DPP10: variants seen among roughly 807,000 people sequenced by gnomAD.
The protein encoded by DPP10 is dipeptidyl peptidase like 10, also known as inactive dipeptidyl peptidase 10.
Under a neutral mutation model 120.9 loss-of-function variants are expected in DPP10, and 33 were observed. That is an observed-to-expected ratio of 0.27 (90% CI 0.21 to 0.37). DPP10 has a LOEUF of 0.37. Ranked by LOEUF, DPP10 falls within the 10% of genes least tolerant of loss-of-function variation. DPP10 has a pLI of 1.00. For missense variants in DPP10, 816 were observed against 942.8 expected (o/e 0.87, Z 1.76); for synonymous variants, 337 against 326.1 (o/e 1.03, Z -0.36).
chr2:115,391,621 A>C (rs769364415), intron 3 of DPP10, among the ~76,000 whole-genome samples: 2 of 152,070 alleles, frequency 1.3e-5, no homozygotes, highest in Non-Finnish European at 2.9e-5. Flanking sequence ...CATAACATAA[A>C]TATAAAATAA....
intron 5 of DPP10, among the ~76,000 whole-genome samples, chr2:115,648,936 T>C (rs192684111): frequency 3.9e-4 from 59 of 152,148 alleles, no homozygotes; most frequent in African/African-American, 1.3e-3. Flanking sequence ...ACCAACCCAG[T>C]TGGAAAGCAA....
At chr2:115,050,784 A>G (rs1158621527) in intron 1 of DPP10, among the ~76,000 whole-genome samples, 1 of 152,312 alleles carries the variant, frequency 6.6e-6, no homozygotes, top group Non-Finnish European at 1.5e-5. Context: ...CAGGGATGGT[A>G]CACGGCCTCA....
intron 1 of DPP10, among the ~76,000 whole-genome samples, chr2:114,473,151 T>C (rs61533041): frequency 1.3e-5 from 2 of 152,182 alleles, no homozygotes; most frequent in African/African-American, 4.8e-5. Context: ...TCTACTAGAA[T>C]TCACTACATA....
intron 1 of DPP10, among the ~76,000 whole-genome samples, chr2:115,131,474 C>T (rs576800741): frequency 2.0e-5 from 3 of 152,174 alleles, no homozygotes; most frequent in African/African-American, 7.2e-5. Flanking sequence ...GATTGAGCCA[C>T]TGTGCACCTG....
At position 114,462,123 on chromosome 2, in the gene DPP10, A is replaced by AT. The variant is rs1027727317; in HGVS notation, c.60+19287dup. ...ATATGGAGCTTTCTTGGAATGAAAC[A>AT]TTATCCCGTAACACCAGGTAATTTT... On this transcript the variant is annotated intron_variant, in intron 1 of 25. Coordinates refer to ENST00000410059, the MANE Select transcript of DPP10 (RefSeq NM_020868.6). 2.8e-5 allele frequency: 28 copies of AT among 985,398 alleles called. No individual in the cohort carries two copies. The African/African-American group carries it at 4.5e-4, about 16-fold the overall frequency. 61.0% of individuals were successfully genotyped at this position (985,398 alleles called of 1,614,324 possible).
chr2:114,491,930 A>C (rs1173029992), intron 1 of DPP10, among the ~76,000 whole-genome samples: 1 of 152,202 alleles, frequency 6.6e-6, no homozygotes, highest in Non-Finnish European at 1.5e-5. Context: ...CATGGAAAAC[A>C]GTTGTCAAAC....
At chr2:114,911,493 A>T (rs1694365473) in intron 1 of DPP10, among the ~76,000 whole-genome samples, 2 of 152,226 alleles carry the variant, frequency 1.3e-5, no homozygotes, top group Admixed American at 6.5e-5. Flanking sequence ...GGATTGATTC[A>T]TCATTGCAAG....
At chr2:115,827,183 A>T (rs1194059673) in intron 21 of DPP10, among the ~76,000 whole-genome samples, 1 of 151,512 alleles carries the variant, frequency 6.6e-6, no homozygotes, top group Non-Finnish European at 1.5e-5. Flanking sequence ...CTTATAATGT[A>T]TATTTTTAAC....
At chr2:114,937,658 G>A (rs1467869253) in intron 1 of DPP10, among the ~76,000 whole-genome samples, 1 of 152,164 alleles carries the variant, frequency 6.6e-6, no homozygotes, top group African/African-American at 2.4e-5. Context: ...CCAATTAACT[G>A]CACTGGGCTG....
chr2:115,715,339 C>CAAAAAAAAAAAA (rs546857779), intron 7 of DPP10, among the ~76,000 whole-genome samples: 2 of 67,644 alleles, frequency 3.0e-5, no homozygotes, highest in Admixed American at 2.2e-4. Context: ...AACTCCGTCT[C>CAAAAAAAAAAAA]AAAAAAAAAA....
At chr2:114,470,211 GT>G (rs1325928116) in intron 1 of DPP10, among the ~76,000 whole-genome samples, 3 of 152,064 alleles carry the variant, frequency 2.0e-5, no homozygotes, top group Non-Finnish European at 4.4e-5. Flanking sequence ...AAAGAGTGTT[GT>G]TGATTTATTT....
chr2:114,606,176 T>G (rs1310183879), intron 1 of DPP10, among the ~76,000 whole-genome samples: 1 of 152,124 alleles, frequency 6.6e-6, no homozygotes, highest in Non-Finnish European at 1.5e-5. Flanking sequence ...ATCTGAAACA[T>G]GGGTTCCATG....
At chr2:114,789,287 G>A (rs1328704563) in intron 1 of DPP10, among the ~76,000 whole-genome samples, 1 of 152,176 alleles carries the variant, frequency 6.6e-6, no homozygotes, top group Non-Finnish European at 1.5e-5. Context: ...CCTGACTAGA[G>A]CTTTGCAAGG....
At chr2:115,214,677 C>T (rs1344267464) in intron 1 of DPP10, among the ~76,000 whole-genome samples, 1 of 152,138 alleles carries the variant, frequency 6.6e-6, no homozygotes, top group Non-Finnish European at 1.5e-5. Context: ...TCCCTTTATT[C>T]AATAACACTC....
At chr2:115,435,440 A>ATG (rs1437879162) in intron 3 of DPP10, among the ~76,000 whole-genome samples, 2 of 151,788 alleles carry the variant, frequency 1.3e-5, no homozygotes, top group Non-Finnish European at 2.9e-5. Flanking sequence ...AATTTCCCTG[A>ATG]TGATTAGTGA....
chr2:115,264,907 C>G (rs570279568), intron 1 of DPP10, among the ~76,000 whole-genome samples: 4 of 152,232 alleles, frequency 2.6e-5, no homozygotes, highest in South Asian at 4.1e-4. Context: ...ATAAGAAAAT[C>G]ATGAATTTAG....
chr2:114,493,759 T>A (rs1682215133), intron 1 of DPP10, among the ~76,000 whole-genome samples: 1 of 152,136 alleles, frequency 6.6e-6, no homozygotes, highest in Admixed American at 6.6e-5. Context: ...CTGAGAGGTT[T>A]ACAGGTCAAA....
At position 114,927,138 on chromosome 2, in the gene DPP10, C is replaced by T. The variant is rs576814640; in HGVS notation, c.61-382101C>T. ...TGCTGGGATTACAGGCGTGAGCCAC[C>T]GCACCTGGCCAGGGGAAGATACATT... On this transcript the variant is annotated intron_variant, in intron 1 of 25. Transcript: ENST00000410059. Among the ~76,000 whole-genome samples, 13 of 152,080 alleles carry T rather than the reference C, an allele frequency of 8.5e-5. No homozygotes were observed. The East Asian group carries it at 1.4e-3, about 16-fold the overall frequency.
intron 5 of DPP10, among the ~76,000 whole-genome samples, chr2:115,679,210 G>A (rs1245772179): frequency 2.6e-5 from 4 of 152,036 alleles, no homozygotes; most frequent in Admixed American, 6.5e-5. Flanking sequence ...GGGTGCATGG[G>A]TGGAATGATA....
Sources: allele counts gnomAD v4.1 joint callset (sites outside exome capture counted in the v4.1 genomes callset), GRCh38; gene constraint gnomAD v4.1.1; transcripts MANE v1.5; gene names NCBI Gene and HGNC (gene_info 2026-07-23, HGNC 2026-07-21).